Variants in CDH18 observed in about 807,000 individuals in gnomAD.
CDH18 encodes cadherin-18.
In CDH18, 31 loss-of-function variants were observed where a neutral mutation model predicts 67.9. That is an observed-to-expected ratio of 0.46 (90% CI 0.34 to 0.62). The LOEUF is 0.62. CDH18 is among the 20% of genes least tolerant of loss of function. CDH18 has a pLI of 0.01. For missense variants in CDH18, 890 were observed against 975.5 expected, an observed-to-expected ratio of 0.91 and a Z score of 1.17; for synonymous variants, 362 against 347.2, an observed-to-expected ratio of 1.04 and a Z score of -0.48.
intron 3 of CDH18, among the ~76,000 whole-genome samples, chr5:19,771,337 C>T (rs1427273013): frequency 6.6e-6 from 1 of 152,220 alleles, no homozygotes; most frequent in African/African-American, 2.4e-5. Context: ...TCATCTATCA[C>T]TCTTTGTTGC....
intron 2 of CDH18, among the ~76,000 whole-genome samples, chr5:20,180,092 C>T (rs1335797870): frequency 6.6e-6 from 1 of 152,120 alleles, no homozygotes; most frequent in Non-Finnish European, 1.5e-5. Context: ...GCCAACAGTG[C>T]ATGATGTGAT....
chr5:20,009,022 T>G (rs1337339917), intron 2 of CDH18, among the ~76,000 whole-genome samples: 2 of 152,130 alleles, frequency 1.3e-5, no homozygotes, highest in Admixed American at 6.6e-5. Flanking sequence ...ACGCATAAGA[T>G]GTACTGATTT....
intron 2 of CDH18, among the ~76,000 whole-genome samples, chr5:20,189,631 C>T (rs1738381952): frequency 6.6e-6 from 1 of 152,058 alleles, no homozygotes. Flanking sequence ...GTTATTGAAC[C>T]AAGGTCAAAA....
chr5:20,278,087 G>T (rs1349244005), intron 1 of CDH18, among the ~76,000 whole-genome samples: 2 of 152,086 alleles, frequency 1.3e-5, no homozygotes, highest in Non-Finnish European at 2.9e-5. Context: ...ATGAGAGCCT[G>T]GGTAGAAAGT....
At chr5:20,456,783 C>T (rs1331960241) in intron 1 of CDH18, among the ~76,000 whole-genome samples, 3 of 151,902 alleles carry the variant, frequency 2.0e-5, no homozygotes, top group Non-Finnish European at 4.4e-5. Flanking sequence ...CTCTAAAATA[C>T]CAAACTGAGT....
intron 1 of CDH18, among the ~76,000 whole-genome samples, chr5:20,531,304 A>C (rs545105026): frequency 6.6e-6 from 1 of 152,106 alleles, no homozygotes; most frequent in Non-Finnish European, 1.5e-5. Flanking sequence ...ATGTAAATTA[A>C]TTCAACCATT....
At chr5:20,540,677 A>G (rs1172083973) in intron 1 of CDH18, among the ~76,000 whole-genome samples, 1 of 152,220 alleles carries the variant, frequency 6.6e-6, no homozygotes, top group Non-Finnish European at 1.5e-5. Flanking sequence ...AGAGAAGCAC[A>G]TCTAGATGTT....
intron 2 of CDH18, among the ~76,000 whole-genome samples, chr5:20,210,274 T>C (rs1314992764): frequency 6.6e-6 from 1 of 151,950 alleles, no homozygotes; most frequent in East Asian, 1.9e-4. Context: ...TCATATTTCT[T>C]CTATATTCTT....
intron 1 of CDH18, among the ~76,000 whole-genome samples, chr5:20,565,520 C>T (rs146376628): frequency 1.1e-3 from 171 of 152,204 alleles, no homozygotes; most frequent in African/African-American, 4.1e-3. Flanking sequence ...ATGGTGACAT[C>T]TCCCACCATC....
At chr5:19,721,285 C>T (rs1766052456) in intron 5 of CDH18, 62 bp downstream of exon 5, 2 of 1,453,586 alleles carry the variant, frequency 1.4e-6, no homozygotes, top group Non-Finnish European at 1.9e-6. Flanking sequence ...GAAATAAAAA[C>T]CATTGCTTTG....
At chr5:19,875,236 T>C (rs886671641) in intron 2 of CDH18, among the ~76,000 whole-genome samples, 3 of 152,310 alleles carry the variant, frequency 2.0e-5, no homozygotes, top group East Asian at 3.9e-4. Context: ...TTTGACCTAA[T>C]AATATTTGAC....
intron 1 of CDH18, among the ~76,000 whole-genome samples, chr5:20,442,676 C>A (rs1225724346): frequency 6.6e-6 from 1 of 151,864 alleles, no homozygotes; most frequent in African/African-American, 2.4e-5. Flanking sequence ...AAAAGCACTT[C>A]CTGCCTACCA....
intron 1 of CDH18, among the ~76,000 whole-genome samples, chr5:20,357,479 T>C (rs1323877241): frequency 2.0e-5 from 3 of 152,180 alleles, no homozygotes; most frequent in Admixed American, 6.5e-5. Context: ...TCTATTGTTA[T>C]TATGTTGAAA....
At chr5:19,895,976 T>G (rs1368634193) in intron 2 of CDH18, among the ~76,000 whole-genome samples, 1 of 151,698 alleles carries the variant, frequency 6.6e-6, no homozygotes, top group Admixed American at 6.6e-5. Flanking sequence ...CCAGAAAACA[T>G]CCATGCTTCA....
At chr5:19,896,193 C>CA (rs1789318422) in intron 2 of CDH18, among the ~76,000 whole-genome samples, 1 of 151,898 alleles carries the variant, frequency 6.6e-6, no homozygotes, top group East Asian at 1.9e-4. Context: ...CCCTTCTCTA[C>CA]TAAAAGTACA....
intron 3 of CDH18, among the ~76,000 whole-genome samples, chr5:19,827,379 C>A (rs1432922811): frequency 2.0e-5 from 3 of 150,460 alleles, no homozygotes; most frequent in Non-Finnish European, 4.4e-5. Context: ...GACATTTGAC[C>A]AAATGAGTTT....
chr5:19,936,391 A>C (rs1182158314), intron 2 of CDH18, among the ~76,000 whole-genome samples: 2 of 151,284 alleles, frequency 1.3e-5, no homozygotes, highest in African/African-American at 4.8e-5. Context: ...GAGGAAAGCC[A>C]TGGGAATGTT....
At chr5:20,229,809 A>T (rs1249864984) in intron 2 of CDH18, among the ~76,000 whole-genome samples, 1 of 151,920 alleles carries the variant, frequency 6.6e-6, no homozygotes, top group Non-Finnish European at 1.5e-5. Context: ...CCAGATTGGG[A>T]TAATTTTTGT....
At chr5:20,097,143 C>T (rs1006243086) in intron 2 of CDH18, among the ~76,000 whole-genome samples, 10 of 152,080 alleles carry the variant, frequency 6.6e-5, no homozygotes, top group African/African-American at 2.2e-4. Context: ...AATTTTCATG[C>T]ATTTTATCTT....
Sources: allele counts gnomAD v4.1 joint callset (sites outside exome capture counted in the v4.1 genomes callset), GRCh38; gene constraint gnomAD v4.1.1; transcripts MANE v1.5; gene names NCBI Gene and HGNC (gene_info 2026-07-23, HGNC 2026-07-21).